Variants in CBARP observed in about 807,000 individuals in gnomAD.
CBARP encodes the protein voltage-dependent calcium channel beta subunit-associated regulatory protein.
In CBARP, 24 loss-of-function variants were observed where a neutral mutation model predicts 36.3. That is an observed-to-expected ratio of 0.66 (90% CI 0.48 to 0.93). The LOEUF is 0.93. Among genes scored for constraint, CBARP ranks in the 40% least tolerant of loss-of-function variants. CBARP has a pLI of 0.00. For missense variants in CBARP, 1,146 were observed against 980.4 expected, an observed-to-expected ratio of 1.17 and a Z score of -2.26; for synonymous variants, 586 against 453.2, an observed-to-expected ratio of 1.29 and a Z score of -3.72.
intron 7 of CBARP, 103 bp from the exon 8 acceptor site, chr19:1,233,739 A>C: frequency 1.8e-6 from 2 of 1,134,234 alleles, no homozygotes; most frequent in Non-Finnish European, 2.5e-6. Context: ...AGGGCCCCCC[A>C]TCACTGGGAC....
chr19:1,231,213 C>T lies in CBARP; in HGVS notation c.1042G>A (p.Glu348Lys), dbSNP rs1226354163. 4.4e-6 allele frequency: 7 copies of T among 1,603,392 alleles called. No individual in the cohort carries two copies. The highest frequency in any genetic ancestry group is 1.3e-5 in the African/African-American group (1 of 75,016). Reference sequence around the variant, plus strand: ...AAGTCCTCCTGGGGGGCATCCCCCTCCTCCTGCTCCGTGCTCTCACTGGCT... The same window carrying T: ...AAGTCCTCCTGGGGGGCATCCCCCTTCTCCTGCTCCGTGCTCTCACTGGCT... ...RAASESTEQE[E>K]GDAPQEDFIQ... Residue 348 changes from glutamate (E) to lysine (K), a missense_variant, in exon 9 of 10, where the codon GAG (glutamate) becomes AAG (lysine). Physicochemically the swap from Glu to Lys is moderately conservative, Grantham distance 56. Transcript: ENST00000650044.
At position 1,237,975 on chromosome 19, in the gene CBARP, C is replaced by T. The variant is rs1223824444; in HGVS notation, c.-241G>A. The T allele has an allele frequency of 6.8e-6, 1 of 147,002 alleles. No individual in the cohort carries two copies. The highest frequency in any genetic ancestry group is 2.1e-4 in the South Asian group (1 of 4,830). The allele number at this position is 147,002 out of a possible 1,614,324, so 9.1% of individuals were successfully genotyped here. A position where few individuals can be genotyped will look rare whatever the true frequency, so the allele number is the denominator to read the frequency against. ...GCCCGGTGCTGCCCGGTCCCCGGCC[C>T]GCCGCCCCCGCTGCGCTCGCCGCTG... On this transcript the variant is annotated 5_prime_UTR_variant, in exon 1 of 10. Transcript: ENST00000650044.
At chr19:1,237,469 G>A (rs951258799) in intron 1 of CBARP, among the ~76,000 whole-genome samples, 2 of 152,124 alleles carry the variant, frequency 1.3e-5, no homozygotes, top group African/African-American at 4.8e-5. Context: ...CCCCGAGCCG[G>A]CCAAGGGTGG....
Position 1,233,568 on chromosome 19 carries a change from G to A in CBARP, c.837C>T (p.Gly279=), listed in dbSNP as rs747949521. The part of the protein sequence containing the change: ...PGAAAGPGEA[G]PGSGAGTVLQ... ...GAACGGTACCTGCCCCGGATCCCGG[G>A]CCCGCCTCCCCAGGCCCTGCTGCAG... The change falls in exon 8 of 10, where the codon GGC becomes GGT. Residue 279 remains glycine, a synonymous_variant. Coordinates refer to ENST00000650044, the MANE Select transcript of CBARP (RefSeq NM_001393918.1). The A allele has an allele frequency of 6.2e-7, 1 of 1,609,864 alleles. No individual in the cohort carries two copies. Among genetic ancestry groups the A allele is most frequent in the Non-Finnish European group, 8.5e-7 (1 of 1,178,880 alleles).
At chr19:1,232,908 T>TAA (rs1462255455) in intron 8 of CBARP, among the ~76,000 whole-genome samples, 1 of 152,222 alleles carries the variant, frequency 6.6e-6, no homozygotes, top group Non-Finnish European at 1.5e-5. Flanking sequence ...GTCCAACACT[T>TAA]ACTTCGTGTT....
Position 1,229,218 on chromosome 19 carries a change from G to T in CBARP, c.2079C>A (p.Val693=). The change falls in exon 10 of 10, where the codon GTC becomes GTA. Residue 693 remains valine (V), a synonymous_variant. Transcript: ENST00000650044. This position sits in a 1 kb window ranked among gnomAD's most constrained non-coding sequence, Gnocchi z 5.1. ...GGTCGGGGGACGTGGGGGCGGCGGC[G>T]ACCAACGCGGGAGTCGCCACGACGG... is the stretch of plus-strand genomic sequence containing the variant. ...AEPVVATPAL[V]AAAPTSPDHS... 21 of 1,215,108 alleles carry T rather than the reference G, an allele frequency of 1.7e-5. No individual in the cohort carries two copies. Among genetic ancestry groups the T allele is most frequent in the Non-Finnish European group, 2.2e-5 (21 of 953,812 alleles). 75.3% of individuals were successfully genotyped at this position (1,215,108 alleles called of 1,614,324 possible). A position where few individuals can be genotyped will look rare whatever the true frequency, so the allele number is the denominator to read the frequency against.
chr19:1,230,339 C>G (rs1243977013), intron 9 of CBARP, 197 bp from the exon 10 acceptor site: 19 of 986,528 alleles, frequency 1.9e-5, no homozygotes, highest in Non-Finnish European at 2.3e-5. Context: ...GCTGTGGCGC[C>G]TGCTTATTAA....
chr19:1,233,813 G>A (rs2080925594), intron 7 of CBARP, among the ~76,000 whole-genome samples, 177 bp from the exon 8 acceptor site: 1 of 152,242 alleles, frequency 6.6e-6, no homozygotes, highest in Non-Finnish European at 1.5e-5. Context: ...GGCTGGGTGG[G>A]CTACACTAAG....
At chr19:1,233,786 G>A in intron 7 of CBARP, 150 bp from the exon 8 acceptor site, 1 of 778,752 alleles carries the variant, frequency 1.3e-6, no homozygotes, top group African/African-American at 1.7e-5. Flanking sequence ...GCAGAAGCGG[G>A]AGGAGGGGCG....
In CBARP at chr19:1,233,603, C is replaced by G. The variant is rs754564755; in HGVS notation, c.802G>C (p.Gly268Arg). 5 of 1,610,184 alleles carry G rather than the reference C, an allele frequency of 3.1e-6. No homozygotes were observed. The highest frequency in any genetic ancestry group is 4.2e-6 in the Non-Finnish European group (5 of 1,178,950). ...DAGTRSTKAG[G>R]PGAAAGPGEA... is the part of the protein sequence containing the mutation. The stretch of plus-strand genomic sequence containing the variant: ...CCAGGCCCTGCTGCAGCCCCGGGCC[C>G]TCCAGCCTTGGTGCTCCTGGTACCG... Residue 268 changes from glycine to arginine, a missense_variant, in exon 8 of 10, where the codon GGG becomes CGG. Coordinates refer to ENST00000650044, the MANE Select transcript of CBARP (RefSeq NM_001393918.1).
chr19:1,233,587 G>C lies in CBARP; in HGVS notation c.818C>G (p.Ala273Gly). 1 of 1,610,906 alleles carries C rather than the reference G, an allele frequency of 6.2e-7. No individual in the cohort carries two copies. Among genetic ancestry groups the C allele is most frequent in the Non-Finnish European group, 8.5e-7 (1 of 1,179,262 alleles). ...TCCCGGGCCCGCCTCCCCAGGCCCTGCTGCAGCCCCGGGCCCTCCAGCCTT... is the reference window on the plus strand; with the variant it reads ...TCCCGGGCCCGCCTCCCCAGGCCCTCCTGCAGCCCCGGGCCCTCCAGCCTT... Reference protein sequence around the residue: ...STKAGGPGAAAGPGEAGPGSG... With the variant: ...STKAGGPGAAGGPGEAGPGSG... Residue 273 changes from alanine to glycine, a missense_variant, in exon 8 of 10, where the codon GCA becomes GGA. Transcript: ENST00000650044.
chr19:1,234,219 G>A lies in CBARP; in HGVS notation c.740C>T (p.Ala247Val). ...GGTGCCTTCCCCAGAGTCGCTAGATGCCGAGGGGCTGATCTCTGCGAAGTC... is the reference window on the plus strand; with the variant it reads ...GGTGCCTTCCCCAGAGTCGCTAGATACCGAGGGGCTGATCTCTGCGAAGTC... ...ATDFAEISPS[A>V]SSDSGEGTSL... The change falls in exon 7 of 10, where the codon GCA becomes GTA. Residue 247 changes from alanine to valine, a missense_variant. Transcript: ENST00000650044. The A allele has an allele frequency of 1.3e-6, 2 of 1,519,880 alleles. No individual in the cohort carries two copies. The highest frequency in any genetic ancestry group is 2.3e-5 in the Admixed American group (1 of 43,892). 94.1% of individuals were successfully genotyped at this position (1,519,880 alleles called of 1,614,324 possible). A position where few individuals can be genotyped will look rare whatever the true frequency, so the allele number is the denominator to read the frequency against.
At chr19:1,230,251 T>G (rs1017814878) in intron 9 of CBARP, 109 bp from the exon 10 acceptor site, 1 of 992,942 alleles carries the variant, frequency 1.0e-6, no homozygotes, top group African/African-American at 1.7e-5. Flanking sequence ...GACTTGGGAC[T>G]CGGGCGGGCC....
intron 7 of CBARP, 42 bp downstream of exon 7, chr19:1,234,149 C>T: frequency 6.9e-7 from 1 of 1,452,622 alleles, no homozygotes. Flanking sequence ...GAAGGAGCCT[C>T]CCCGGCTGTG....
intron 9 of CBARP, chr19:1,230,611 G>C: frequency 8.2e-7 from 1 of 1,215,792 alleles, no homozygotes; most frequent in Non-Finnish European, 1.0e-6. Flanking sequence ...GGCTGCCCCA[G>C]GAACCCTGCT....
chr19:1,233,321 T>G (rs1485922643), intron 8 of CBARP, 105 bp downstream of exon 8: 3 of 1,181,542 alleles, frequency 2.5e-6, no homozygotes, highest in Non-Finnish European at 3.5e-6. Flanking sequence ...GAGCACCGGC[T>G]CCCCACCCAG....
Position 1,232,913 on chromosome 19 carries a change from C to T in CBARP, c.979+513G>A, listed in dbSNP as rs538469541. ...CCCTGGCCCAGTCCAACACTTACTT[C>T]GTGTTAGAGGAAGTCAGAGCCCAGA... On this transcript the variant is annotated intron_variant, in intron 8 of 9. Transcript: ENST00000650044. 7.2e-5 allele frequency among the ~76,000 whole-genome samples: 11 copies of T among 152,368 alleles called. No homozygotes were observed. In the South Asian group the frequency reaches 2.3e-3, roughly 32 times the overall value.
chr19:1,234,918 C>T, intron 5 of CBARP, 83 bp downstream of exon 5: 1 of 1,525,382 alleles, frequency 6.6e-7, no homozygotes, highest in East Asian at 2.3e-5. Flanking sequence ...GTCCCTGCAG[C>T]CTCCGCACCC....
chr19:1,233,338 A>C lies in CBARP; in HGVS notation c.979+88T>G. On this transcript the variant is annotated intron_variant, in intron 8 of 9. Transcript: ENST00000650044. ...GCACCGGCTCCCCACCCAGCCCACA[A>C]CCTCCTGCTCCTGGATGTCCAGGGC... 5 of 1,333,968 alleles carry C rather than the reference A, an allele frequency of 3.7e-6. No individual in the cohort carries two copies. The South Asian group carries it at 7.3e-5, about 19-fold the overall frequency. The allele number at this position is 1,333,968 out of a possible 1,614,324, so 82.6% of individuals were successfully genotyped here.
Sources: gnomAD v4.1 joint callset for allele counts (sites outside exome capture counted in the v4.1 genomes callset) on GRCh38, gnomAD v4.1.1 for gene constraint, Gnocchi (gnomAD v3.1) non-coding constraint, MANE v1.5 for transcripts, NCBI Gene and HGNC (gene_info 2026-07-23, HGNC 2026-07-21) for gene names.